The following MAN1C1 variants were observed in gnomAD, a reference collection of about 807,000 sequenced individuals.
MAN1C1 encodes the protein mannosidase alpha class 1C member 1, also known as mannosyl-oligosaccharide 1,2-alpha-mannosidase IC.
A neutral mutation model predicts 71.5 loss-of-function variants in MAN1C1; 49 were observed. The ratio of observed to expected loss-of-function variants is 0.69; its 90% confidence interval spans 0.54 to 0.87. MAN1C1 has a LOEUF of 0.87. Ranked by LOEUF, MAN1C1 falls within the 40% of genes least tolerant of loss-of-function variation. The probability of loss-of-function intolerance (pLI) is 0.00; values close to 1 mark genes in which losing one functional copy is unlikely to be tolerated. For missense variants in MAN1C1, 743 were observed against 835.0 expected (o/e 0.89, Z 1.36); for synonymous variants, 352 against 343.7 (o/e 1.02, Z -0.27).
intron 2 of MAN1C1, among the ~76,000 whole-genome samples, chr1:25,718,884 T>C (rs1402443137): frequency 6.6e-6 from 1 of 152,150 alleles, no homozygotes; most frequent in African/African-American, 2.4e-5. Flanking sequence ...AATGCTGCTA[T>C]GAACATTGTG....
At position 25,782,567 on chromosome 1, in the gene MAN1C1, C is replaced by G. The variant is rs1474645770; in HGVS notation, c.1651-18C>G. Reference sequence around the variant, plus strand: ...CCCGTGTTAAGGCTGTTTTCCTCCTCCTCTTCCCCTTCCTCAGGCCTTGGA... The same window carrying G: ...CCCGTGTTAAGGCTGTTTTCCTCCTGCTCTTCCCCTTCCTCAGGCCTTGGA... On this transcript the variant is annotated intron_variant, in intron 10 of 11. Transcript: ENST00000374332. This position sits in a 1 kb window ranked among gnomAD's most constrained non-coding sequence, Gnocchi z 4.4. 2 of 1,579,592 alleles carry G rather than the reference C, an allele frequency of 1.3e-6. No individual in the cohort carries two copies.
chr1:25,780,849 G>A (rs950433297), intron 9 of MAN1C1, 91 bp from the exon 10 acceptor site: 34 of 1,387,704 alleles, frequency 2.5e-5, no homozygotes, highest in African/African-American at 4.3e-5. Context: ...CACCCTGGCC[G>A]CGGGTTCAAG....
chr1:25,755,097 G>T (rs1469431141), intron 5 of MAN1C1, among the ~76,000 whole-genome samples: 2 of 152,182 alleles, frequency 1.3e-5, no homozygotes, highest in Admixed American at 6.5e-5. Context: ...ACAGGAGGGG[G>T]AAGAACGTGG....
intron 1 of MAN1C1, among the ~76,000 whole-genome samples, chr1:25,670,582 C>A (rs1181561043): frequency 6.6e-6 from 1 of 152,184 alleles, no homozygotes; most frequent in Admixed American, 6.5e-5. Flanking sequence ...GGGCAGCAGC[C>A]GGCCTTCGTT....
intron 2 of MAN1C1, among the ~76,000 whole-genome samples, chr1:25,734,231 C>T (rs1015781868): frequency 6.6e-6 from 1 of 152,144 alleles, no homozygotes; most frequent in Non-Finnish European, 1.5e-5. Flanking sequence ...TGGGTTCAAG[C>T]GATTCTCATG....
chr1:25,657,325 G>T (rs1312049033), intron 1 of MAN1C1, among the ~76,000 whole-genome samples: 1 of 152,204 alleles, frequency 6.6e-6, no homozygotes, highest in Non-Finnish European at 1.5e-5. Flanking sequence ...CTTCCCCAGA[G>T]GCTGGGGAGA....
chr1:25,673,842 G>C (rs907472446), intron 1 of MAN1C1, among the ~76,000 whole-genome samples: 2 of 152,226 alleles, frequency 1.3e-5, no homozygotes, highest in Non-Finnish European at 2.9e-5. Context: ...CCCCTACCCT[G>C]CCTAACTCAC....
chr1:25,697,477 G>A (rs1373406570), intron 2 of MAN1C1, among the ~76,000 whole-genome samples: 1 of 152,182 alleles, frequency 6.6e-6, no homozygotes, highest in Admixed American at 6.5e-5. Context: ...TTGTTTCTAC[G>A]TTTGTTTGCT....
chr1:25,745,772 T>C (rs1012925271), intron 2 of MAN1C1, among the ~76,000 whole-genome samples: 1 of 152,140 alleles, frequency 6.6e-6, no homozygotes, highest in East Asian at 1.9e-4. Context: ...GGCAGATCAC[T>C]TGAGGCCAGG....
chr1:25,711,810 G>T lies in MAN1C1; in HGVS notation c.637+25274G>T, dbSNP rs1228129725. ...CCGTGCTGTCCTGTGTGTGAAAGAG[G>T]ATACTTTCTTTATTTTACTAAAAGA... On this transcript the variant is annotated intron_variant, in intron 2 of 11. Transcript: ENST00000374332. The surrounding 1 kb of genome is among the most constrained non-coding windows in gnomAD (Gnocchi z 4.3). 1.3e-5 allele frequency among the ~76,000 whole-genome samples: 2 copies of T among 152,158 alleles called. No individual in the cohort carries two copies. The highest frequency in any genetic ancestry group is 2.4e-5 in the African/African-American group (1 of 41,408).
chr1:25,619,221 G>C (rs2045167232), intron 1 of MAN1C1, among the ~76,000 whole-genome samples: 1 of 152,206 alleles, frequency 6.6e-6, no homozygotes, highest in African/African-American at 2.4e-5. Flanking sequence ...CAGCAATGCA[G>C]AGGGGGCTGC....
chr1:25,770,975 G>C (rs1037345732), intron 7 of MAN1C1, among the ~76,000 whole-genome samples: 1 of 152,162 alleles, frequency 6.6e-6, no homozygotes, highest in Non-Finnish European at 1.5e-5. Flanking sequence ...AGTGTTCCTC[G>C]GGCAACCCGT....
intron 1 of MAN1C1, among the ~76,000 whole-genome samples, chr1:25,651,643 C>T (rs1451031446): frequency 2.0e-5 from 3 of 152,206 alleles, no homozygotes; most frequent in South Asian, 2.1e-4. Context: ...TGCCCTTGCA[C>T]GGAGCAGGAG....
chr1:25,662,953 G>A (rs188536020), intron 1 of MAN1C1, among the ~76,000 whole-genome samples: 3,011 of 151,678 alleles, frequency 0.02, 103 homozygotes, highest in African/African-American at 0.069. Context: ...CAGCTCCTCA[G>A]GAGGCTGAGG....
At chr1:25,771,175 G>A (rs2047546061) in intron 7 of MAN1C1, among the ~76,000 whole-genome samples, 2 of 152,322 alleles carry the variant, frequency 1.3e-5, no homozygotes, top group Admixed American at 1.3e-4. Context: ...TTTAAACTCT[G>A]TTTTTCCAGA....
chr1:25,721,903 T>A (rs1158479383), intron 2 of MAN1C1, among the ~76,000 whole-genome samples: 2 of 152,202 alleles, frequency 1.3e-5, no homozygotes, highest in Non-Finnish European at 1.5e-5. Context: ...TCATTTTCCA[T>A]CCCCTATTTG....
chr1:25,723,782 A>T (rs546808712), intron 2 of MAN1C1, among the ~76,000 whole-genome samples: 2 of 152,182 alleles, frequency 1.3e-5, no homozygotes, highest in Non-Finnish European at 2.9e-5. Flanking sequence ...GGGTTTTTGC[A>T]TAAAGATTTA....
At chr1:25,619,994 A>G (rs1171339480) in intron 1 of MAN1C1, among the ~76,000 whole-genome samples, 1 of 152,220 alleles carries the variant, frequency 6.6e-6, no homozygotes, top group Admixed American at 6.5e-5. Flanking sequence ...CTCAGAAGAG[A>G]TACTCTCTGT....
At chr1:25,630,450 A>G (rs1319013368) in intron 1 of MAN1C1, among the ~76,000 whole-genome samples, 1 of 152,060 alleles carries the variant, frequency 6.6e-6, no homozygotes, top group Non-Finnish European at 1.5e-5. Flanking sequence ...TGATGTTGTT[A>G]TTTTGTTTGG....
Sources: allele counts gnomAD v4.1 joint callset (sites outside exome capture counted in the v4.1 genomes callset), GRCh38; gene constraint gnomAD v4.1.1; non-coding constraint Gnocchi (gnomAD v3.1); transcripts MANE v1.5; gene names NCBI Gene and HGNC (gene_info 2026-07-23, HGNC 2026-07-21).